Variants in SLC12A2 observed in about 807,000 individuals in gnomAD.
SLC12A2 encodes the protein solute carrier family 12 member 2.
A neutral mutation model predicts 136.3 loss-of-function variants in SLC12A2; 67 were observed. The ratio of observed to expected loss-of-function variants is 0.49; its 90% CI spans 0.40 to 0.60. The LOEUF is 0.60. Among genes scored for constraint, SLC12A2 ranks in the 20% least tolerant of loss-of-function variants. The probability of loss-of-function intolerance (pLI) is 0.00; values close to 1 mark genes in which losing one functional copy is unlikely to be tolerated. For missense variants in SLC12A2, 1,322 were observed against 1,534.7 expected (o/e 0.86, Z 2.32); for synonymous variants, 619 against 562.9 (o/e 1.10, Z -1.41).
Position 128,114,825 on chromosome 5 carries a change from G to C in SLC12A2, c.1048+144G>C, listed in dbSNP as rs958109604. On this transcript the variant is annotated intron_variant, in intron 4 of 26. Transcript: ENST00000262461. The stretch of plus-strand genomic sequence containing the variant: ...AGAAAGTTGCTACCGAGCACTTCCA[G>C]ACTAGTATATTTCAATGTAAAATTT... 17 of 577,688 alleles carry C rather than the reference G, an allele frequency of 2.9e-5. No individual in the cohort carries two copies. In the East Asian group the frequency reaches 4.7e-4, roughly 16 times the overall value. 35.8% of individuals were successfully genotyped at this position (577,688 alleles called of 1,614,324 possible). A position where few individuals can be genotyped will look rare whatever the true frequency, so the allele number is the denominator to read the frequency against.
chr5:128,176,513 AAT>A (rs1160681856), intron 20 of SLC12A2, among the ~76,000 whole-genome samples: 1 of 152,038 alleles, frequency 6.6e-6, no homozygotes, highest in Non-Finnish European at 1.5e-5. Context: ...TAAATGGATA[AAT>A]ATTAATGCAC....
Position 128,148,829 on chromosome 5 carries a change from C to T in SLC12A2, c.1957C>T (p.Arg653Cys), listed in dbSNP as rs763260162. Reference protein sequence around the residue: ...KGYGKNNEPLRGYILTFLIAL... With the variant: ...KGYGKNNEPLCGYILTFLIAL... ...TTATGGGAAAAATAATGAACCTCTT[C>T]GTGGCTACATCTTAACATTCTTAAT... Residue 653 changes from arginine (R) to cysteine (C), a missense_variant, in exon 12 of 27, where the codon CGT becomes TGT. Arg to Cys is a radical substitution (Grantham distance 180). Coordinates refer to ENST00000262461, the MANE Select transcript of SLC12A2 (RefSeq NM_001046.3). 3.1e-6 allele frequency: 5 copies of T among 1,607,470 alleles called. No individual in the cohort carries two copies. The highest frequency in any genetic ancestry group is 1.1e-5 in the South Asian group (1 of 90,180).
In SLC12A2 at chr5:128,110,654, C is replaced by G. The variant is rs1281684200; in HGVS notation, c.757-2160C>G. Reference sequence around the variant, plus strand: ...GTTAGTGACAGTGTTGTGCTGAAGCCAAGACTCCGTCTACTATGAACATTT... The same window carrying G: ...GTTAGTGACAGTGTTGTGCTGAAGCGAAGACTCCGTCTACTATGAACATTT... On this transcript the variant is annotated intron_variant, in intron 1 of 26. Transcript: ENST00000262461. 2.5e-6 allele frequency: 3 copies of G among 1,215,994 alleles called. No individual in the cohort carries two copies. In the African/African-American group the frequency reaches 4.5e-5, roughly 18 times the overall value. 75.3% of individuals were successfully genotyped at this position (1,215,994 alleles called of 1,614,324 possible).
intron 22 of SLC12A2, among the ~76,000 whole-genome samples, chr5:128,180,012 C>T (rs1048323597): frequency 9.0e-6 from 1 of 111,010 alleles, no homozygotes; most frequent in Non-Finnish European, 1.7e-5. Flanking sequence ...TTCTGCCACC[C>T]AGGCTGGAGT....
intron 9 of SLC12A2, among the ~76,000 whole-genome samples, chr5:128,140,081 C>T (rs1290876373): frequency 6.6e-6 from 1 of 152,146 alleles, no homozygotes; most frequent in Admixed American, 6.5e-5. Flanking sequence ...TCACTGCAAC[C>T]TCCGCCTCCC....
At chr5:128,147,303 C>T (rs572373491) in intron 10 of SLC12A2, among the ~76,000 whole-genome samples, 110 of 151,584 alleles carry the variant, frequency 7.3e-4, no homozygotes, top group African/African-American at 2.5e-3. Flanking sequence ...ATATCTGGGA[C>T]TTGTTTCAAA....
At chr5:128,162,507 T>G (rs1265306174) in intron 17 of SLC12A2, among the ~76,000 whole-genome samples, 1 of 152,130 alleles carries the variant, frequency 6.6e-6, no homozygotes, top group Admixed American at 6.6e-5. Flanking sequence ...TAAAACAATT[T>G]TATGACCTTT....
At chr5:128,093,146 T>C (rs1302188395) in intron 1 of SLC12A2, among the ~76,000 whole-genome samples, 1 of 152,108 alleles carries the variant, frequency 6.6e-6, no homozygotes, top group Admixed American at 6.6e-5. Context: ...TTGTTCTGTT[T>C]TGTTTTGTTT....
intron 1 of SLC12A2, among the ~76,000 whole-genome samples, chr5:128,105,526 C>T (rs934349036): frequency 6.6e-6 from 1 of 152,002 alleles, no homozygotes; most frequent in Non-Finnish European, 1.5e-5. Context: ...CTTAATAAAA[C>T]GATTTTGGTG....
intron 19 of SLC12A2, among the ~76,000 whole-genome samples, chr5:128,173,273 G>T (rs904465378): frequency 2.0e-5 from 3 of 152,106 alleles, no homozygotes; most frequent in African/African-American, 7.2e-5. Context: ...AGTAGGTTTG[G>T]CAAAATACTA....
At chr5:128,092,286 A>G (rs530658688) in intron 1 of SLC12A2, among the ~76,000 whole-genome samples, 2 of 152,222 alleles carry the variant, frequency 1.3e-5, no homozygotes, top group Non-Finnish European at 2.9e-5. Context: ...TATCATCTTA[A>G]TGGAACCATT....
At chr5:128,161,464 T>G (rs1165862874) in intron 16 of SLC12A2, among the ~76,000 whole-genome samples, 196 bp from the exon 17 acceptor site, 1 of 152,170 alleles carries the variant, frequency 6.6e-6, no homozygotes, top group African/African-American at 2.4e-5. Context: ...TCCCTGTGCC[T>G]TAGCTATTCC....
intron 16 of SLC12A2, among the ~76,000 whole-genome samples, chr5:128,159,213 A>G (rs1337108555): frequency 6.6e-6 from 1 of 152,098 alleles, no homozygotes; most frequent in Non-Finnish European, 1.5e-5. Flanking sequence ...TCTCACTAAT[A>G]TGTCTGAAAC....
Position 128,184,777 on chromosome 5 carries a change from GTTTCA to G in SLC12A2, c.3436-6_3436-2del. On this transcript the variant is annotated splice_polypyrimidine_tract_variant and splice_region_variant and intron_variant, in intron 25 of 26. Coordinates refer to ENST00000262461, the MANE Select transcript of SLC12A2 (RefSeq NM_001046.3). ...CACATGGTCTAGGAATGACTGTCCT[GTTTCA>G]TTTCAGACATACCGGCAGATCAGGT... is the stretch of plus-strand genomic sequence containing the variant. 6.2e-7 allele frequency: 1 copy of G among 1,611,226 alleles called. No individual in the cohort carries two copies. Among genetic ancestry groups the G allele is most frequent in the Non-Finnish European group, 8.5e-7 (1 of 1,177,716 alleles).
intron 1 of SLC12A2, among the ~76,000 whole-genome samples, chr5:128,093,638 A>G (rs746509625): frequency 6.6e-6 from 1 of 151,988 alleles, no homozygotes; most frequent in Non-Finnish European, 1.5e-5. Flanking sequence ...CCCCCATCCA[A>G]TCACTGAGTT....
chr5:128,147,792 G>GAA, intron 11 of SLC12A2, 63 bp downstream of exon 11: 1 of 975,996 alleles, frequency 1.0e-6, no homozygotes. Context: ...TCTCAATTTA[G>GAA]AATTGTTGCT....
chr5:128,132,128 G>A (rs1452421531), intron 5 of SLC12A2, among the ~76,000 whole-genome samples: 1 of 152,178 alleles, frequency 6.6e-6, no homozygotes, highest in Non-Finnish European at 1.5e-5. Context: ...TTGAAGTTAG[G>A]GTCTTGTTTG....
intron 16 of SLC12A2, among the ~76,000 whole-genome samples, chr5:128,160,246 G>T (rs1388471650): frequency 6.6e-6 from 1 of 152,044 alleles, no homozygotes; most frequent in African/African-American, 2.4e-5. Flanking sequence ...TGGGAGGTGG[G>T]GGGGCTCGGG....
At chr5:128,109,366 C>T (rs540278461) in intron 1 of SLC12A2, 50 of 307,008 alleles carry the variant, frequency 1.6e-4, no homozygotes, top group Non-Finnish European at 2.9e-4. Flanking sequence ...GCATGCCAGG[C>T]AGCACGCTTT....
Sources: gnomAD v4.1 joint callset for allele counts (sites outside exome capture counted in the v4.1 genomes callset) on GRCh38, gnomAD v4.1.1 for gene constraint, MANE v1.5 for transcripts, NCBI Gene and HGNC (gene_info 2026-07-23, HGNC 2026-07-21) for gene names.